Variants in PCDH15 observed in about 807,000 individuals in gnomAD.
PCDH15 encodes protocadherin related 15.
Under a neutral mutation model 178.5 loss-of-function variants are expected in PCDH15, and 129 were observed. The observed-to-expected ratio is 0.72, with a 90% CI of 0.63 to 0.84. The LOEUF (loss-of-function observed/expected upper bound fraction) is 0.84, where lower values mean the gene tolerates loss of function less well. Among genes scored for constraint, PCDH15 ranks in the 40% least tolerant of loss-of-function variants. The pLI, the probability that PCDH15 is intolerant of heterozygous loss-of-function variation, is 0.00. For synonymous variants in PCDH15, 800 were observed against 732.0 expected, an observed-to-expected ratio of 1.09 and a Z score of -1.50; for missense variants, 2,230 against 2,099.9, an observed-to-expected ratio of 1.06 and a Z score of -1.21.
At chr10:55,502,727 G>C (rs1344844122) in intron 2 of PCDH15, among the ~76,000 whole-genome samples, 3 of 151,470 alleles carry the variant, frequency 2.0e-5, no homozygotes, top group East Asian at 2.0e-4. Context: ...TTTCCTTTTT[G>C]AGTCTCAATT....
chr10:53,919,063 C>G (rs1428820511), intron 25 of PCDH15, among the ~76,000 whole-genome samples: 1 of 152,146 alleles, frequency 6.6e-6, no homozygotes, highest in African/African-American at 2.4e-5. Flanking sequence ...CACTGACTGT[C>G]CTGCCTTCTT....
At chr10:55,066,432 T>C (rs1049707391) in intron 2 of PCDH15, among the ~76,000 whole-genome samples, 1 of 151,032 alleles carries the variant, frequency 6.6e-6, no homozygotes, top group East Asian at 1.9e-4. Flanking sequence ...GATTGGATTG[T>C]TAATTTGATA....
intron 28 of PCDH15, among the ~76,000 whole-genome samples, chr10:53,841,988 A>T (rs925739622): frequency 2.0e-5 from 3 of 151,320 alleles, no homozygotes; most frequent in Non-Finnish European, 4.4e-5. Flanking sequence ...CCTGAAGATA[A>T]TGGATGTACT....
intron 2 of PCDH15, among the ~76,000 whole-genome samples, chr10:54,957,449 T>C (rs1001730063): frequency 1.3e-5 from 2 of 151,542 alleles, no homozygotes; most frequent in African/African-American, 4.8e-5. Flanking sequence ...GGATAAAAGG[T>C]TTTTTTCCTC....
At chr10:54,597,594 CA>C (rs906262145) in intron 2 of PCDH15, among the ~76,000 whole-genome samples, 10 of 151,524 alleles carry the variant, frequency 6.6e-5, no homozygotes, top group Admixed American at 5.9e-4. Context: ...AACAAACAAA[CA>C]AAAAAACCCA....
chr10:55,038,997 C>T (rs1840803206), intron 2 of PCDH15, among the ~76,000 whole-genome samples: 1 of 152,118 alleles, frequency 6.6e-6, no homozygotes, highest in Admixed American at 6.6e-5. Context: ...TCATTTCTTA[C>T]AGGTGCGGTT....
At chr10:55,608,154 A>T (rs1250809935) in intron 2 of PCDH15, among the ~76,000 whole-genome samples, 1 of 151,938 alleles carries the variant, frequency 6.6e-6, no homozygotes, top group Non-Finnish European at 1.5e-5. Context: ...TAAGAGAATA[A>T]AAACAATTAC....
At chr10:54,163,828 T>C (rs2045949382) in intron 13 of PCDH15, among the ~76,000 whole-genome samples, 1 of 152,108 alleles carries the variant, frequency 6.6e-6, no homozygotes, top group South Asian at 2.1e-4. Flanking sequence ...TTATAATAAA[T>C]TCTGATGTAT....
At chr10:54,953,465 C>T (rs779624800) in intron 2 of PCDH15, among the ~76,000 whole-genome samples, 7 of 151,244 alleles carry the variant, frequency 4.6e-5, no homozygotes, top group Non-Finnish European at 1.0e-4. Context: ...ATTTATTTCC[C>T]GGTTTCCAAA....
At chr10:54,975,823 C>T (rs1313127494) in intron 2 of PCDH15, among the ~76,000 whole-genome samples, 2 of 152,096 alleles carry the variant, frequency 1.3e-5, no homozygotes, top group African/African-American at 2.4e-5. Context: ...AACAATAAGG[C>T]TATATCATAA....
chr10:54,785,392 GCTCT>G (rs1427592119), intron 1 of PCDH15, among the ~76,000 whole-genome samples: 1 of 151,454 alleles, frequency 6.6e-6, no homozygotes, highest in Non-Finnish European at 1.5e-5. Context: ...TCATATTTTA[GCTCT>G]CTAATTAACT....
intron 2 of PCDH15, among the ~76,000 whole-genome samples, chr10:54,939,054 C>T (rs922694755): frequency 1.3e-4 from 20 of 152,080 alleles, no homozygotes; most frequent in Admixed American, 1.2e-3. Flanking sequence ...TAAAACAATA[C>T]ATTTATGTTG....
chr10:54,908,654 G>T (rs1016470021), intron 2 of PCDH15, among the ~76,000 whole-genome samples: 1 of 152,206 alleles, frequency 6.6e-6, no homozygotes, highest in Admixed American at 6.5e-5. Context: ...GCAGACAAGT[G>T]GAGCTTTATT....
intron 2 of PCDH15, among the ~76,000 whole-genome samples, chr10:55,112,176 T>G (rs1837525519): frequency 6.6e-6 from 1 of 152,160 alleles, no homozygotes; most frequent in African/African-American, 2.4e-5. Flanking sequence ...AAAATTCACA[T>G]GTTGAAATCC....
intron 2 of PCDH15, among the ~76,000 whole-genome samples, chr10:54,952,591 T>C (rs1480781226): frequency 6.6e-6 from 1 of 151,780 alleles, no homozygotes; most frequent in Admixed American, 6.6e-5. Flanking sequence ...TGGGAAGAAA[T>C]GATGCCTTGA....
intron 2 of PCDH15, among the ~76,000 whole-genome samples, chr10:54,954,371 G>A (rs1838425845): frequency 6.6e-6 from 1 of 151,114 alleles, no homozygotes. Flanking sequence ...CTTCCTACAG[G>A]TTAATATTTC....
intron 1 of PCDH15, among the ~76,000 whole-genome samples, chr10:55,319,165 A>G (rs900828078): frequency 6.6e-6 from 1 of 152,190 alleles, no homozygotes; most frequent in Non-Finnish European, 1.5e-5. Flanking sequence ...GGAGCAGTTC[A>G]AAGTAAACAG....
intron 2 of PCDH15, among the ~76,000 whole-genome samples, chr10:55,100,751 T>C (rs543703824): frequency 1.3e-5 from 2 of 152,148 alleles, no homozygotes; most frequent in South Asian, 4.1e-4. Context: ...TCAACCTCCA[T>C]GACCCAAACA....
chr10:55,262,397 C>T (rs1038255984), intron 1 of PCDH15, among the ~76,000 whole-genome samples: 2 of 152,122 alleles, frequency 1.3e-5, no homozygotes, highest in African/African-American at 4.8e-5. Flanking sequence ...TAAGACCACC[C>T]TGGCCCACCA....
Sources: gnomAD v4.1 joint callset for allele counts (sites outside exome capture counted in the v4.1 genomes callset) on GRCh38, gnomAD v4.1.1 for gene constraint, MANE v1.5 for transcripts, NCBI Gene and HGNC (gene_info 2026-07-23, HGNC 2026-07-21) for gene names.